The following MYLK3 variants were observed in gnomAD, a reference collection of about 807,000 sequenced individuals.
MYLK3 encodes myosin light chain kinase 3.
MYLK3 carries 55 observed loss-of-function variants against 76.3 expected under a neutral mutation model. The ratio of observed to expected loss-of-function variants is 0.72; its 90% confidence interval spans 0.58 to 0.90. The LOEUF is 0.90. Among genes scored for constraint, MYLK3 ranks in the 40% least tolerant of loss-of-function variants. MYLK3 has a pLI of 0.00. For missense variants in MYLK3, 973 were observed against 1,053.6 expected (o/e 0.92, Z 1.06); for synonymous variants, 416 against 425.4 (o/e 0.98, Z 0.27).
chr16:46,712,815 G>C, intron 9 of MYLK3, 39 bp from the exon 10 acceptor site: 2 of 1,511,494 alleles, frequency 1.3e-6, no homozygotes, highest in Non-Finnish European at 8.9e-7. Flanking sequence ...CATGGGGTGA[G>C]GCCTGGGAGA....
rs1349491769 is a variant in MYLK3 at position 46,710,657 on chromosome 16, C to A, written c.2247G>T (p.Arg749=). The change falls in exon 11 of 13, where the codon CGG becomes CGT. Residue 749 remains arginine, a synonymous_variant. Transcript: ENST00000394809. ...LSEEAKDFVS[R]LLVKEKSCRM... ...GGTACCTCTTCTCTTTGACCAGCAA[C>A]CGGGAAACAAAGTCCTTGGCCTCCT... 1.9e-6 allele frequency: 3 copies of A among 1,614,150 alleles called. No homozygotes were observed. Among genetic ancestry groups the A allele is most frequent in the Non-Finnish European group, 2.5e-6 (3 of 1,180,026 alleles).
At chr16:46,753,885 C>T (rs1174265757) in intron 1 of MYLK3, among the ~76,000 whole-genome samples, 1 of 152,182 alleles carries the variant, frequency 6.6e-6, no homozygotes, top group African/African-American at 2.4e-5. Flanking sequence ...TGCACTCCAA[C>T]CAGGGTGACA....
At chr16:46,755,510 T>G (rs1967186988) in intron 1 of MYLK3, among the ~76,000 whole-genome samples, 1 of 150,696 alleles carries the variant, frequency 6.6e-6, no homozygotes, top group South Asian at 2.1e-4. Context: ...GGCCCAAAGT[T>G]GAAGCAAGAA....
upstream of MYLK3, among the ~76,000 whole-genome samples, chr16:46,750,084 T>C (rs1444701567): frequency 1.3e-5 from 2 of 152,208 alleles, no homozygotes; most frequent in Non-Finnish European, 2.9e-5. Flanking sequence ...ACCGTGCACC[T>C]CAGGAGGACC....
chr16:46,712,822 G>C (rs1362771450), intron 9 of MYLK3, 46 bp from the exon 10 acceptor site: 4 of 1,494,448 alleles, frequency 2.7e-6, no homozygotes, highest in Non-Finnish European at 2.7e-6. Context: ...TGAGGCCTGG[G>C]AGATGTGGTG....
chr16:46,763,041 A>G (rs1967300849), exon 1 of MYLK3: 2 of 985,238 alleles, frequency 2.0e-6, no homozygotes, highest in African/African-American at 3.5e-5. Context: ...CTTACATACC[A>G]CTTTCCATCC....
intron 1 of MYLK3, among the ~76,000 whole-genome samples, chr16:46,753,662 G>C (rs1967158724): frequency 6.6e-6 from 1 of 152,166 alleles, no homozygotes; most frequent in African/African-American, 2.4e-5. Context: ...TGTAAACCTA[G>C]CACTTTGGGA....
At chr16:46,745,445 TTAAAA>T (rs2143016847) in intron 1 of MYLK3, among the ~76,000 whole-genome samples, 1 of 152,128 alleles carries the variant, frequency 6.6e-6, no homozygotes, top group South Asian at 2.1e-4. Flanking sequence ...AACATTTGAA[TTAAAA>T]TAAAACAATT....
chr16:46,712,654 T>C lies in MYLK3; in HGVS notation c.2108A>G (p.Tyr703Cys). Residue 703 changes from tyrosine to cysteine, a missense_variant, in exon 10 of 13, where the codon TAC (tyrosine) becomes TGC (cysteine). Physicochemically the swap from Tyr to Cys is radical, Grantham distance 194 (BLOSUM62 -2). Around this residue, in one of 2 missense-constraint regions of MYLK3, gnomAD observed 332 missense variants for 416.6 expected, o/e 0.80. Coordinates refer to ENST00000394809, the MANE Select transcript of MYLK3 (RefSeq NM_182493.3). ...TDMWSVGVIT[Y>C]MLLSGLSPFL... Reference sequence around the variant, plus strand: ...CAGGGTGCTAAGCACTCACAGCATGTAGGTGATGACTCCCACACTCCACAT... The same window carrying C: ...CAGGGTGCTAAGCACTCACAGCATGCAGGTGATGACTCCCACACTCCACAT... 1 of 1,534,544 alleles carries C rather than the reference T, an allele frequency of 6.5e-7. No homozygotes were observed. Among genetic ancestry groups the C allele is most frequent in the East Asian group, 2.5e-5 (1 of 39,962 alleles).
intron 5 of MYLK3, 85 bp downstream of exon 5, chr16:46,730,508 C>T (rs1004209777): frequency 1.8e-6 from 2 of 1,103,532 alleles, no homozygotes; most frequent in African/African-American, 1.5e-5. Flanking sequence ...CATCCTGCAG[C>T]ACCCACCCCA....
intron 9 of MYLK3, among the ~76,000 whole-genome samples, chr16:46,714,959 G>A (rs1329136906): frequency 6.6e-6 from 1 of 152,172 alleles, no homozygotes; most frequent in Non-Finnish European, 1.5e-5. Flanking sequence ...TGCAATTTCT[G>A]TGGTGTAGAT....
At chr16:46,758,255 CCT>C (rs1216069672) in intron 1 of MYLK3, among the ~76,000 whole-genome samples, 4 of 143,804 alleles carry the variant, frequency 2.8e-5, no homozygotes, top group East Asian at 2.1e-4. Context: ...ACACACACTG[CCT>C]CTCTCTCTCC....
chr16:46,732,182 T>A (rs908977400), intron 4 of MYLK3, 26 bp downstream of exon 4: 2 of 1,543,594 alleles, frequency 1.3e-6, no homozygotes, highest in Non-Finnish European at 1.7e-6. Flanking sequence ...AGGGCTCGTG[T>A]CTAGCCAGGC....
At chr16:46,708,674 G>A (rs1347199533) in intron 12 of MYLK3, among the ~76,000 whole-genome samples, 1 of 152,134 alleles carries the variant, frequency 6.6e-6, no homozygotes, top group Non-Finnish European at 1.5e-5. Flanking sequence ...GTATTCTTGT[G>A]TACTGGCTCC....
intron 1 of MYLK3, among the ~76,000 whole-genome samples, chr16:46,746,624 T>C (rs1232753941): frequency 6.6e-6 from 1 of 152,128 alleles, no homozygotes; most frequent in Non-Finnish European, 1.5e-5. Flanking sequence ...GGGGTCTTCC[T>C]ATGTTGCCTA....
Position 46,747,602 on chromosome 16 carries a change from G to C in MYLK3, c.477+115C>G, listed in dbSNP as rs913094113. ...CCAGCTCTCCTTTTCCCCATCAACA[G>C]GTCACACAGGAAGGGGACACCATGC... On this transcript the variant is annotated intron_variant, in intron 1 of 12. Transcript: ENST00000394809. 4 of 1,009,802 alleles carry C rather than the reference G, an allele frequency of 4.0e-6. No homozygotes were observed. The African/African-American group carries it at 6.4e-5, about 16-fold the overall frequency. The allele number at this position is 1,009,802 out of a possible 1,614,324, so 62.6% of individuals were successfully genotyped here. A position where few individuals can be genotyped will look rare whatever the true frequency, so the allele number is the denominator to read the frequency against.
At chr16:46,743,777 T>G (rs946056790) in intron 1 of MYLK3, among the ~76,000 whole-genome samples, 17 of 151,464 alleles carry the variant, frequency 1.1e-4, no homozygotes, top group Non-Finnish European at 1.5e-5. Context: ...AAAAACAAAA[T>G]AGGAAAGAGG....
chr16:46,760,222 TG>T (rs1967259195), intron 1 of MYLK3, among the ~76,000 whole-genome samples: 1 of 152,240 alleles, frequency 6.6e-6, no homozygotes, highest in Non-Finnish European at 1.5e-5. Flanking sequence ...CTGGCTCTGC[TG>T]CTCTGGGGCC....
intron 3 of MYLK3, among the ~76,000 whole-genome samples, chr16:46,735,090 G>A (rs948611638): frequency 2.6e-5 from 4 of 151,796 alleles, no homozygotes; most frequent in African/African-American, 4.8e-5. Flanking sequence ...GAAGTGAGCC[G>A]AGATGGCACC....
Sources: allele counts gnomAD v4.1 joint callset (sites outside exome capture counted in the v4.1 genomes callset), GRCh38; gene constraint gnomAD v4.1.1; regional missense constraint gnomAD v4.1.1; transcripts MANE v1.5; gene names NCBI Gene and HGNC (gene_info 2026-07-23, HGNC 2026-07-21).